Variants in NT5DC3 observed in about 807,000 individuals in gnomAD.
NT5DC3 encodes 5'-nucleotidase domain containing 3.
In NT5DC3, 42 loss-of-function variants were observed where a neutral mutation model predicts 67.8. The ratio of observed to expected loss-of-function variants is 0.62; its 90% CI spans 0.48 to 0.80. The LOEUF is 0.80. Ranked by LOEUF, NT5DC3 falls within the 30% of genes least tolerant of loss-of-function variation. The pLI is 0.00. For missense variants in NT5DC3, 570 were observed against 696.4 expected, an observed-to-expected ratio of 0.82 and a Z score of 2.04; for synonymous variants, 237 against 255.6, an observed-to-expected ratio of 0.93 and a Z score of 0.69.
chr12:103,794,996 AG>A (rs1253651283), intron 6 of NT5DC3, among the ~76,000 whole-genome samples: 10 of 152,230 alleles, frequency 6.6e-5, no homozygotes, highest in Non-Finnish European at 1.0e-4. Flanking sequence ...AGCAGGAGAC[AG>A]GGCTGCAGGC....
intron 4 of NT5DC3, among the ~76,000 whole-genome samples, chr12:103,805,469 A>T (rs765530447): frequency 6.6e-6 from 1 of 152,344 alleles, no homozygotes; most frequent in Non-Finnish European, 1.5e-5. Context: ...TTTAAGTATA[A>T]GCTGTGCACC....
chr12:103,748,001 A>G, the NT5DC3 span, among the ~76,000 whole-genome samples: 1 of 98,508 alleles, frequency 1.0e-5, no homozygotes, highest in African/African-American at 3.4e-5. Flanking sequence ...TCTCCAAAAA[A>G]AAAAAAAAAA....
the NT5DC3 span, among the ~76,000 whole-genome samples, chr12:103,762,591 A>G: frequency 6.6e-6 from 1 of 152,210 alleles, no homozygotes; most frequent in Non-Finnish European, 1.5e-5. Context: ...TAAGAGGAAC[A>G]GCAGTGGTGG....
At chr12:103,836,760 TC>T (rs2139490032) in intron 1 of NT5DC3, among the ~76,000 whole-genome samples, 1 of 152,298 alleles carries the variant, frequency 6.6e-6, no homozygotes, top group East Asian at 1.9e-4. Context: ...AGAGGTGGGT[TC>T]CCATGCTCTT....
rs17034524 is a variant in NT5DC3 at position 103,777,964 on chromosome 12, C to G, written c.1512G>C (p.Leu504=). 22 of 1,614,018 alleles carry G rather than the reference C, an allele frequency of 1.4e-5. No homozygotes were observed. The highest frequency in any genetic ancestry group is 1.7e-5 in the Non-Finnish European group (20 of 1,179,986). The change falls in exon 14 of 14, where the codon CTG becomes CTC. Residue 504 remains leucine, a synonymous_variant. Transcript: ENST00000392876. ...SRFADIYMAS[L]SCLLNYDVSH... is the part of the protein sequence containing the mutation. ...TGACGTCATAGTTCAGGAGGCAGCTCAGAGACGCCATGTAGATGTCAGCGA... is the reference window on the plus strand; with the variant it reads ...TGACGTCATAGTTCAGGAGGCAGCTGAGAGACGCCATGTAGATGTCAGCGA...
chr12:103,801,223 T>C (rs1158675639), intron 4 of NT5DC3, among the ~76,000 whole-genome samples: 3 of 151,892 alleles, frequency 2.0e-5, no homozygotes, highest in African/African-American at 7.3e-5. Context: ...AAACAAAGCG[T>C]CCCTTAGAAA....
At chr12:103,809,293 G>T (rs1020434804) in intron 2 of NT5DC3, among the ~76,000 whole-genome samples, 6 of 152,224 alleles carry the variant, frequency 3.9e-5, no homozygotes, top group Admixed American at 2.6e-4. Flanking sequence ...TGAAAAGTCT[G>T]GTGGTTCTTT....
chr12:103,816,960 C>CTTT (rs1593425263), intron 1 of NT5DC3, among the ~76,000 whole-genome samples: 1 of 91,376 alleles, frequency 1.1e-5, no homozygotes, highest in Non-Finnish European at 2.3e-5. Context: ...GCAGTCTTTT[C>CTTT]TTTTTTCTTT....
intron 4 of NT5DC3, among the ~76,000 whole-genome samples, chr12:103,800,623 G>T (rs1286500082): frequency 6.6e-6 from 1 of 152,218 alleles, no homozygotes; most frequent in Non-Finnish European, 1.5e-5. Context: ...AATTCCCCAA[G>T]AAGCAGCTGC....
intron 13 of NT5DC3, 79 bp from the exon 14 acceptor site, chr12:103,778,160 CTTCT>C: frequency 7.6e-7 from 1 of 1,318,302 alleles, no homozygotes; most frequent in South Asian, 1.6e-5. Flanking sequence ...ATCAAAATCA[CTTCT>C]TTTTTTAAAA....
intron 6 of NT5DC3, among the ~76,000 whole-genome samples, 198 bp from the exon 7 acceptor site, chr12:103,794,195 G>A (rs896909469): frequency 1.5e-5 from 1 of 68,030 alleles, no homozygotes; most frequent in Non-Finnish European, 3.1e-5. Flanking sequence ...TATCACCCAG[G>A]CTGAAGTGCA....
intron 4 of NT5DC3, among the ~76,000 whole-genome samples, chr12:103,804,563 A>G (rs1659655297): frequency 6.6e-6 from 1 of 152,248 alleles, no homozygotes; most frequent in African/African-American, 2.4e-5. Flanking sequence ...TTTTTTTTAA[A>G]AAGTGACAAA....
chr12:103,840,828 T>G, intron 1 of NT5DC3, 121 bp downstream of exon 1: 5 of 418,952 alleles, frequency 1.2e-5, no homozygotes, highest in South Asian at 9.0e-5. Flanking sequence ...GGCACCGGGG[T>G]TCGCGACTGG....
chr12:103,758,377 A>C, the NT5DC3 span: 4 of 1,580,396 alleles, frequency 2.5e-6, no homozygotes, highest in Non-Finnish European at 3.4e-6. Flanking sequence ...CTGAAAACTC[A>C]GTGGCTACAC....
intron 1 of NT5DC3, among the ~76,000 whole-genome samples, chr12:103,821,148 G>C (rs974094134): frequency 8.5e-5 from 13 of 152,218 alleles, no homozygotes; most frequent in African/African-American, 3.1e-4. Flanking sequence ...AGGCTGGAAG[G>C]CTAAGCCACC....
the NT5DC3 span, chr12:103,746,525 GAA>G: frequency 1.4e-6 from 2 of 1,446,456 alleles, no homozygotes. Flanking sequence ...GAGAGTCTTG[GAA>G]AGTCTCCTTA....
chr12:103,802,255 A>C (rs1039380575), intron 4 of NT5DC3: 1 of 152,266 alleles, frequency 6.6e-6, no homozygotes, highest in Non-Finnish European at 1.5e-5. Context: ...AAAGAGGAGA[A>C]AGCATTTCAG....
intron 5 of NT5DC3, 84 bp from the exon 6 acceptor site, chr12:103,797,115 C>G (rs1886353387): frequency 6.9e-7 from 1 of 1,457,054 alleles, no homozygotes; most frequent in South Asian, 1.2e-5. Flanking sequence ...CAGCAGGAAG[C>G]CTTTTCCGTG....
At chr12:103,767,625 G>C (rs1885040741), downstream of NT5DC3, among the ~76,000 whole-genome samples, 1 of 152,114 alleles carries the variant, frequency 6.6e-6, no homozygotes, top group African/African-American at 2.4e-5. Flanking sequence ...AGGTGAGCTG[G>C]CTTTGGGGTC....
Sources: allele counts gnomAD v4.1 joint callset (sites outside exome capture counted in the v4.1 genomes callset), GRCh38; gene constraint gnomAD v4.1.1; transcripts MANE v1.5; gene names NCBI Gene and HGNC (gene_info 2026-07-23, HGNC 2026-07-21).